GRK1: variants seen among roughly 807,000 people sequenced by gnomAD.
The protein encoded by GRK1 is G protein-coupled receptor kinase 1.
In GRK1, 28 loss-of-function variants were observed where a neutral mutation model predicts 41.7. The ratio of observed to expected loss-of-function variants is 0.67; its 90% CI spans 0.50 to 0.92. GRK1 has a LOEUF of 0.92. Among genes scored for constraint, GRK1 ranks in the 40% least tolerant of loss-of-function variants. GRK1 has a pLI of 0.00. For synonymous variants in GRK1, 327 were observed against 286.7 expected, an observed-to-expected ratio of 1.14 and a Z score of -1.42; for missense variants, 703 against 671.2, an observed-to-expected ratio of 1.05 and a Z score of -0.52.
At position 113,667,829 on chromosome 13, in the gene GRK1, C is replaced by T; in HGVS notation, c.443C>T (p.Pro148Leu). 2 of 1,594,376 alleles carry T rather than the reference C, an allele frequency of 1.3e-6. No homozygotes were observed. Among genetic ancestry groups the T allele is most frequent in the Non-Finnish European group, 1.7e-6 (2 of 1,168,630 alleles). ...GAGATCCAGGACGGGCTCTTCCAGC[C>T]CCTGCTGCAGGCCACCCTGGCACAC... ...PVEIQDGLFQ[P>L]LLQATLAHLG... The change falls in exon 1 of 7, where the codon CCC becomes CTC. Residue 148 changes from proline (P) to leucine (L), a missense_variant. Pro to Leu is a moderately conservative substitution (Grantham distance 98). Coordinates refer to ENST00000335678, the MANE Select transcript of GRK1 (RefSeq NM_002929.3). This position sits in a 1 kb window ranked among gnomAD's most constrained non-coding sequence, Gnocchi z 7.5.
the GRK1 span, among the ~76,000 whole-genome samples, chr13:113,657,426 CCT>C: frequency 2.6e-5 from 4 of 152,238 alleles, no homozygotes; most frequent in Admixed American, 1.3e-4. Flanking sequence ...GCTTCCACCA[CCT>C]GTGTGGCCTT....
intron 6 of GRK1, chr13:113,734,428 C>G (rs1302492550): frequency 6.6e-6 from 1 of 152,394 alleles, no homozygotes. Context: ...CAAAGTGAGG[C>G]TGAGGAGGAA....
At chr13:113,659,243 A>G in the GRK1 span, among the ~76,000 whole-genome samples, 2 of 152,234 alleles carry the variant, frequency 1.3e-5, no homozygotes, top group Non-Finnish European at 1.5e-5. Context: ...GGCAGATGCC[A>G]TTGCTGCCTG....
intron 4 of GRK1, among the ~76,000 whole-genome samples, chr13:113,725,252 G>T (rs2049883916): frequency 6.6e-6 from 1 of 152,400 alleles, no homozygotes; most frequent in Non-Finnish European, 1.5e-5. Context: ...TGCCAGTGCG[G>T]TGCGGACCCA....
the GRK1 span, chr13:113,658,056 A>G: frequency 6.2e-7 from 1 of 1,607,652 alleles, no homozygotes; most frequent in Non-Finnish European, 8.5e-7. Flanking sequence ...GGTGCGGCCC[A>G]GCATCTGCCC....
At chr13:113,668,736 C>T (rs919125731) in intron 1 of GRK1, among the ~76,000 whole-genome samples, 2 of 152,196 alleles carry the variant, frequency 1.3e-5, no homozygotes, top group South Asian at 2.1e-4. Context: ...GCGGCTGTGC[C>T]GGGTGTGGAC....
At chr13:113,660,283 C>A in the GRK1 span, among the ~76,000 whole-genome samples, 1 of 152,150 alleles carries the variant, frequency 6.6e-6, no homozygotes, top group Non-Finnish European at 1.5e-5. Context: ...ACTGTGACCA[C>A]CACACAGTGA....
chr13:113,733,540 TGC>T (rs1253428600), intron 6 of GRK1, among the ~76,000 whole-genome samples: 7 of 120,890 alleles, frequency 5.8e-5, no homozygotes, highest in Non-Finnish European at 8.0e-5. Context: ...CGTGTGTGCA[TGC>T]GTGTGCGCGC....
intron 4 of GRK1, among the ~76,000 whole-genome samples, chr13:113,728,487 G>A (rs1250120362): frequency 6.6e-6 from 1 of 151,510 alleles, no homozygotes; most frequent in South Asian, 2.1e-4. Flanking sequence ...TACCCATGGC[G>A]ATGAGGAGTA....
At position 113,733,716 on chromosome 13, in the gene GRK1, C is replaced by T. The variant is rs551017594; in HGVS notation, c.1396+631C>T. ...GCATACATGTGTGCGTGTGTGCGCA[C>T]GTGTGTGTGCGCGCGTGTGTATGTG... On this transcript the variant is annotated intron_variant, in intron 6 of 6. Coordinates refer to ENST00000335678, the MANE Select transcript of GRK1 (RefSeq NM_002929.3). Among the ~76,000 whole-genome samples the T allele has an allele frequency of 1.0e-3, 99 of 94,768 alleles. 4 individuals are homozygous for T. In the South Asian group the frequency reaches 0.022, roughly 21 times the overall value. The allele number at this position is 94,768 out of a possible 152,430, so 62.2% of individuals were successfully genotyped here.
At chr13:113,667,201 G>A (rs980618670), upstream of GRK1, 9 of 597,264 alleles carry the variant, frequency 1.5e-5, no homozygotes, top group Non-Finnish European at 2.6e-5. This position sits in a 1 kb window ranked among gnomAD's most constrained non-coding sequence, Gnocchi z 7.5. Context: ...GTCAGCCCCG[G>A]GCTCCCAGGG....
the GRK1 span, among the ~76,000 whole-genome samples, chr13:113,650,912 G>A: frequency 2.0e-5 from 3 of 152,270 alleles, no homozygotes; most frequent in Admixed American, 6.5e-5. This position sits in a 1 kb window ranked among gnomAD's most constrained non-coding sequence, Gnocchi z 5.0. Context: ...GGGCCCTCTC[G>A]TTTCAGAAGC....
At chr13:113,734,211 AC>A (rs939876924) in intron 6 of GRK1, among the ~76,000 whole-genome samples, 2 of 152,012 alleles carry the variant, frequency 1.3e-5, no homozygotes, top group Non-Finnish European at 2.9e-5. Flanking sequence ...GGAGCAGAAG[AC>A]CCCCCAAACG....
chr13:113,668,647 G>A (rs188992241), intron 1 of GRK1, among the ~76,000 whole-genome samples: 9 of 152,346 alleles, frequency 5.9e-5, no homozygotes, highest in South Asian at 2.1e-4. Context: ...AGTTTCATCC[G>A]CTCTGCCCAC....
intron 4 of GRK1, among the ~76,000 whole-genome samples, chr13:113,728,870 G>A (rs2049913349): frequency 6.6e-6 from 1 of 152,170 alleles, no homozygotes; most frequent in African/African-American, 2.4e-5. Context: ...GGTCTGCAGG[G>A]AACCACAAAA....
Position 113,735,222 on chromosome 13 carries a change from C to T in GRK1, c.1551C>T (p.Pro517=). 1 of 1,537,222 alleles carries T rather than the reference C, an allele frequency of 6.5e-7. No individual in the cohort carries two copies. Among genetic ancestry groups the T allele is most frequent in the Non-Finnish European group, 8.7e-7 (1 of 1,146,912 alleles). Residue 517 remains proline (P), a synonymous_variant, in exon 7 of 7, where the codon CCC becomes CCT. Coordinates refer to ENST00000335678, the MANE Select transcript of GRK1 (RefSeq NM_002929.3). ...TTGCCACTGGCAACTGCCCCATCCC[C>T]TGGCAGGAGGAGATGATCGAGACGG... is the stretch of plus-strand genomic sequence containing the variant. The part of the protein sequence containing the change: ...QEFATGNCPI[P]WQEEMIETGI...
In GRK1 at chr13:113,667,303, G is replaced by A. The variant is rs1234451499; in HGVS notation, c.-84G>A. 8 of 1,331,432 alleles carry A rather than the reference G, an allele frequency of 6.0e-6. No homozygotes were observed. Among genetic ancestry groups the A allele is most frequent in the Non-Finnish European group, 8.1e-6 (8 of 989,704 alleles). The allele number at this position is 1,331,432 out of a possible 1,614,324, so 82.5% of individuals were successfully genotyped here. On this transcript the variant is annotated 5_prime_UTR_variant, in exon 1 of 7. Transcript: ENST00000335678. The surrounding 1 kb of genome is among the most constrained non-coding windows in gnomAD (Gnocchi z 7.5). ...GACGGGCCACAGGCCAAGGGCAGCA[G>A]TCAGGCCTGCTCTGTCTGTGAACGC...
chr13:113,659,031 TC>T, the GRK1 span, among the ~76,000 whole-genome samples: 1 of 151,906 alleles, frequency 6.6e-6, no homozygotes, highest in South Asian at 2.1e-4. Context: ...TCACCGGGGG[TC>T]CGGGCAGTGC....
intron 2 of GRK1, among the ~76,000 whole-genome samples, chr13:113,670,291 C>G (rs560504516): frequency 6.6e-6 from 1 of 152,146 alleles, no homozygotes; most frequent in Non-Finnish European, 1.5e-5. Flanking sequence ...AGTCCTGCCC[C>G]GGATCTGCCG....
Sources: allele counts gnomAD v4.1 joint callset (sites outside exome capture counted in the v4.1 genomes callset), GRCh38; gene constraint gnomAD v4.1.1; non-coding constraint Gnocchi (gnomAD v3.1); transcripts MANE v1.5; gene names NCBI Gene and HGNC (gene_info 2026-07-23, HGNC 2026-07-21).